The following GAK variants were observed in gnomAD, a reference collection of about 807,000 sequenced individuals.
GAK encodes cyclin G associated kinase, also known as cyclin-G-associated kinase.
A neutral mutation model predicts 143.9 loss-of-function variants in GAK; 79 were observed. The observed-to-expected ratio is 0.55, with a 90% CI of 0.46 to 0.66. The LOEUF (loss-of-function observed/expected upper bound fraction) is 0.66, where lower values mean the gene tolerates loss of function less well. GAK is among the 30% of genes least tolerant of loss of function. The probability of loss-of-function intolerance (pLI) is 0.00; values close to 1 mark genes in which losing one functional copy is unlikely to be tolerated. For missense variants in GAK, 1,693 were observed against 1,779.7 expected (o/e 0.95, Z 0.88); for synonymous variants, 881 against 765.5 (o/e 1.15, Z -2.49).
chr4:897,722 G>A (rs1181853075), intron 6 of GAK, among the ~76,000 whole-genome samples: 2 of 152,220 alleles, frequency 1.3e-5, no homozygotes, highest in African/African-American at 4.8e-5. Context: ...TGACGCGGGT[G>A]GATCACAAAT....
chr4:868,984 G>T (rs966458632), intron 19 of GAK: 3 of 408,380 alleles, frequency 7.3e-6, no homozygotes, highest in African/African-American at 2.0e-5. Flanking sequence ...ACACATGAAT[G>T]CACACACACA....
rs766096942 is a variant in GAK, at chr4:920,539, A to AATTTTTTTTTTTTTTTTTT, written c.146-6872_146-6871insAAAAAAAAAAAAAAAAAAT. Among the ~76,000 whole-genome samples, 3 of 129,592 alleles carry AATTTTTTTTTTTTTTTTTT rather than the reference A, an allele frequency of 2.3e-5. 1 individual carries two copies. The highest frequency in any genetic ancestry group is 2.5e-4 in the South Asian group (1 of 4,032). 85.0% of individuals were successfully genotyped at this position (129,592 alleles called of 152,430 possible). Reference sequence around the variant, plus strand: ...AAAATTGTGAAAAAGGTTTAGAGCCATTTTTTTTTTTTTTTTTTTTTTGAG... The same window carrying AATTTTTTTTTTTTTTTTTT: ...AAAATTGTGAAAAAGGTTTAGAGCCAATTTTTTTTTTTTTTTTTTTTTTTTTTTTTTTTTTTTTTTTGAG... On this transcript the variant is annotated intron_variant, in intron 1 of 27. Coordinates refer to ENST00000314167, the MANE Select transcript of GAK (RefSeq NM_005255.4).
Position 898,112 on chromosome 4 carries a change from T to A in GAK, c.572A>T (p.Asp191Val). The change falls in exon 6 of 28, where the codon GAC becomes GTC. Residue 191 changes from aspartate to valine, a missense_variant. Transcript: ENST00000314167. ...CGAGATGGTCGTGGCACTGCCAAAG[T>A]CACACAGCTTAATGGTCCCTTGGTT... ...LSNQGTIKLC[D>V]FGSATTISHY... 1 of 1,614,182 alleles carries A rather than the reference T, an allele frequency of 6.2e-7. No individual in the cohort carries two copies. The highest frequency in any genetic ancestry group is 8.5e-7 in the Non-Finnish European group (1 of 1,180,006).
chr4:882,869 G>A (rs1304365669), intron 13 of GAK, 50 bp from the exon 14 acceptor site: 2 of 1,590,322 alleles, frequency 1.3e-6, no homozygotes, highest in Admixed American at 3.4e-5. Context: ...CCCCGCCCCA[G>A]CCTTGGTCAG....
chr4:914,339 C>CCA (rs1722622165), intron 1 of GAK, among the ~76,000 whole-genome samples: 3 of 130,076 alleles, frequency 2.3e-5, no homozygotes, highest in Admixed American at 7.7e-5. Context: ...TGCCCGGCCC[C>CCA]ACACAAACAC....
At chr4:930,214 C>T (rs138978190) in intron 1 of GAK, among the ~76,000 whole-genome samples, 30 of 152,282 alleles carry the variant, frequency 2.0e-4, no homozygotes, top group African/African-American at 6.5e-4. Context: ...AGCTTTCACA[C>T]TCTGTTTCAG....
chr4:913,561 T>C lies in GAK; in HGVS notation c.207+46A>G, dbSNP rs1244817411. On this transcript the variant is annotated intron_variant, in intron 2 of 27. Transcript: ENST00000314167. The stretch of plus-strand genomic sequence containing the variant: ...GAAAAGACTGTCACCAGACAGTCCC[T>C]TTACATACGTCAGAAATCCAGAGAA... 5.5e-6 allele frequency: 8 copies of C among 1,457,654 alleles called. No homozygotes were observed. In the East Asian group the frequency reaches 1.6e-4, roughly 29 times the overall value. 90.3% of individuals were successfully genotyped at this position (1,457,654 alleles called of 1,614,324 possible).
intron 24 of GAK, among the ~76,000 whole-genome samples, chr4:856,148 C>G (rs1468090540): frequency 6.6e-6 from 1 of 150,936 alleles, no homozygotes; most frequent in Admixed American, 6.6e-5. Context: ...ACCACAGCTG[C>G]TCACCACACC....
chr4:893,682 G>A (rs1311036425), intron 8 of GAK, among the ~76,000 whole-genome samples, 192 bp downstream of exon 8: 3 of 151,926 alleles, frequency 2.0e-5, no homozygotes, highest in African/African-American at 7.3e-5. Flanking sequence ...TCAGAGCACC[G>A]CAAATTCACC....
chr4:849,594 G>A lies in GAK; in HGVS notation c.*79C>T. On this transcript the variant is annotated 3_prime_UTR_variant, in exon 28 of 28. Coordinates refer to ENST00000314167, the MANE Select transcript of GAK (RefSeq NM_005255.4). ...TGGCCACACCTGCTGTCGCCCACGG[G>A]GTCCTCACGGTGGGGACCCAGGTCC... is the stretch of plus-strand genomic sequence containing the variant. The A allele has an allele frequency of 1.8e-6, 2 of 1,135,742 alleles. No individual in the cohort carries two copies. Among genetic ancestry groups the A allele is most frequent in the Admixed American group, 2.0e-5 (1 of 50,442 alleles). 70.4% of individuals were successfully genotyped at this position (1,135,742 alleles called of 1,614,324 possible).
intron 10 of GAK, among the ~76,000 whole-genome samples, chr4:889,786 G>A (rs1445134478): frequency 1.3e-5 from 2 of 152,212 alleles, no homozygotes; most frequent in Non-Finnish European, 2.9e-5. Context: ...TGTCCTCGAC[G>A]GCTCACCCGG....
intron 16 of GAK, 55 bp from the exon 17 acceptor site, chr4:877,262 A>G (rs1310993774): frequency 8.1e-6 from 9 of 1,110,490 alleles, no homozygotes; most frequent in Non-Finnish European, 1.2e-5. Flanking sequence ...CCAACCAAAC[A>G]AAAACAACAA....
At chr4:850,780 C>T in intron 26 of GAK, 156 bp downstream of exon 26, 1 of 772,202 alleles carries the variant, frequency 1.3e-6, no homozygotes, top group Non-Finnish European at 1.9e-6. Context: ...AGTGACAGGT[C>T]CCTGTCTGGA....
intron 4 of GAK, among the ~76,000 whole-genome samples, chr4:908,838 G>A (rs1310621203): frequency 6.6e-6 from 1 of 152,122 alleles, no homozygotes. Flanking sequence ...ATTATATAAA[G>A]TAAAATCCCA....
chr4:875,461 A>G (rs1373982706), intron 18 of GAK, among the ~76,000 whole-genome samples: 1 of 152,220 alleles, frequency 6.6e-6, no homozygotes, highest in Non-Finnish European at 1.5e-5. Flanking sequence ...AGGCCAGGCC[A>G]GCACCCCTCC....
chr4:909,691 C>T (rs149042430), intron 4 of GAK, among the ~76,000 whole-genome samples: 6 of 152,306 alleles, frequency 3.9e-5, no homozygotes, highest in Non-Finnish European at 5.9e-5. Context: ...TTGACGTCTG[C>T]GACTTATTTT....
At chr4:906,529 T>A (rs1036428536) in intron 4 of GAK, among the ~76,000 whole-genome samples, 2 of 152,126 alleles carry the variant, frequency 1.3e-5, no homozygotes, top group African/African-American at 4.8e-5. Context: ...AGCACCCCTA[T>A]GCAGCCCCCA....
At chr4:860,627 T>G (rs752420642) in intron 23 of GAK, among the ~76,000 whole-genome samples, 1 of 152,154 alleles carries the variant, frequency 6.6e-6, no homozygotes, top group African/African-American at 2.4e-5. Context: ...GAGATGGCAG[T>G]TGCCCCTGGG....
chr4:903,415 C>T (rs944483065), intron 5 of GAK, among the ~76,000 whole-genome samples: 5 of 152,144 alleles, frequency 3.3e-5, no homozygotes, highest in South Asian at 2.1e-4. Flanking sequence ...GCAAGGGGTC[C>T]GGCCCCCGAC....
Sources: gnomAD v4.1 joint callset for allele counts (sites outside exome capture counted in the v4.1 genomes callset) on GRCh38, gnomAD v4.1.1 for gene constraint, MANE v1.5 for transcripts, NCBI Gene and HGNC (gene_info 2026-07-23, HGNC 2026-07-21) for gene names.